The following ADAMTS18 variants were observed in gnomAD, a reference collection of about 807,000 sequenced individuals.
ADAMTS18 encodes the protein ADAM metallopeptidase with thrombospondin type 1 motif 18, also known as A disintegrin and metalloproteinase with thrombospondin motifs 18.
In ADAMTS18, 157 loss-of-function variants were observed where a neutral mutation model predicts 165.9. The ratio of observed to expected loss-of-function variants is 0.95; its 90% CI spans 0.83 to 1.08. The LOEUF (loss-of-function observed/expected upper bound fraction) is 1.08, where lower values mean the gene tolerates loss of function less well. Among genes scored for constraint, ADAMTS18 ranks in the 50% least tolerant of loss-of-function variants. The probability of loss-of-function intolerance (pLI) is 0.00; values close to 1 mark genes in which losing one functional copy is unlikely to be tolerated. For missense variants in ADAMTS18, 2,040 were observed against 1,534.0 expected (o/e 1.33, Z -5.51); for synonymous variants, 782 against 578.2 (o/e 1.35, Z -5.06).
At chr16:77,335,160 A>C (rs1350310089) in intron 12 of ADAMTS18, among the ~76,000 whole-genome samples, 1 of 150,934 alleles carries the variant, frequency 6.6e-6, no homozygotes, top group Non-Finnish European at 1.5e-5. Context: ...CCATTATAAA[A>C]ATGAAATCCT....
intron 9 of ADAMTS18, 59 bp from the exon 10 acceptor site, chr16:77,353,945 G>C: frequency 6.3e-7 from 1 of 1,599,666 alleles, no homozygotes; most frequent in South Asian, 1.1e-5. Context: ...TTCCATTTAC[G>C]ACAACACACT....
chr16:77,296,903 C>CA (rs2055484192), intron 18 of ADAMTS18, among the ~76,000 whole-genome samples: 1 of 152,212 alleles, frequency 6.6e-6, no homozygotes, highest in Non-Finnish European at 1.5e-5. Context: ...TCCTGGCTAT[C>CA]AAGCCAAAGT....
chr16:77,393,666 A>G (rs1320118759), intron 3 of ADAMTS18, among the ~76,000 whole-genome samples: 1 of 152,290 alleles, frequency 6.6e-6, no homozygotes, highest in South Asian at 2.1e-4. Flanking sequence ...CCCTCTCCAG[A>G]ACTGGACCAT....
rs1440463202 is a variant in ADAMTS18, at chr16:77,387,080, G to C, written c.496-19357C>G. On this transcript the variant is annotated intron_variant, in intron 3 of 22. Coordinates refer to ENST00000282849, the MANE Select transcript of ADAMTS18 (RefSeq NM_199355.4). ...TGCCCCACCCAGATTCAGATGCAGA[G>C]GGACATAGATAAGATGTGTTAGGCA... is the stretch of plus-strand genomic sequence containing the variant. 2.6e-5 allele frequency among the ~76,000 whole-genome samples: 4 copies of C among 152,162 alleles called. No homozygotes were observed. In the East Asian group the frequency reaches 7.7e-4, roughly 29 times the overall value.
intron 11 of ADAMTS18, among the ~76,000 whole-genome samples, chr16:77,337,403 C>G (rs888520430): frequency 6.6e-6 from 1 of 152,202 alleles, no homozygotes; most frequent in Non-Finnish European, 1.5e-5. Flanking sequence ...CATGCAGTAT[C>G]TCATCTAATC....
At position 77,359,436 on chromosome 16, in the gene ADAMTS18, C is replaced by T; in HGVS notation, c.1217-13G>A. The T allele has an allele frequency of 1.9e-6, 3 of 1,608,260 alleles. No homozygotes were observed. The highest frequency in any genetic ancestry group is 2.5e-6 in the Non-Finnish European group (3 of 1,176,554). ...ATGGGGGCAAACCCTATTGAAAGAG[C>T]AGTTTCAAATGTGAATCCAAAGGTT... On this transcript the variant is annotated splice_polypyrimidine_tract_variant and intron_variant, in intron 7 of 22. Coordinates refer to ENST00000282849, the MANE Select transcript of ADAMTS18 (RefSeq NM_199355.4).
intron 10 of ADAMTS18, among the ~76,000 whole-genome samples, chr16:77,346,714 G>A (rs2144698670): frequency 6.6e-6 from 1 of 152,234 alleles, no homozygotes; most frequent in Middle Eastern, 3.4e-3. Flanking sequence ...TGAGTTTATT[G>A]CCCAAGTTTT....
Position 77,282,659 on chromosome 16 carries a change from A to T in ADAMTS18, c.*1297T>A, listed in dbSNP as rs2055168220. ...TAGAATTTATGTAAATATGCCCTTTATAACCACTTCTCAAAAAATTACAGG... is the reference window on the plus strand; with the variant it reads ...TAGAATTTATGTAAATATGCCCTTTTTAACCACTTCTCAAAAAATTACAGG... On this transcript the variant is annotated 3_prime_UTR_variant, in exon 23 of 23. Transcript: ENST00000282849. 1.3e-5 allele frequency: 2 copies of T among 152,618 alleles called. No homozygotes were observed. The highest frequency in any genetic ancestry group is 4.1e-4 in the South Asian group (2 of 4,834). The allele number at this position is 152,618 out of a possible 1,614,324, so 9.5% of individuals were successfully genotyped here.
Position 77,420,494 on chromosome 16 carries a change from T to C in ADAMTS18, c.495+10801A>G, listed in dbSNP as rs2057588097. Among the ~76,000 whole-genome samples, 3 of 152,188 alleles carry C rather than the reference T, an allele frequency of 2.0e-5. No homozygotes were observed. In the South Asian group the frequency reaches 6.2e-4, roughly 32 times the overall value. ...CCTGAGCATAAGCGTCTGTGTTTTT[T>C]AAAGCTCCGTGCACTAAGAATCACT... is the stretch of plus-strand genomic sequence containing the variant. On this transcript the variant is annotated intron_variant, in intron 3 of 22. Transcript: ENST00000282849.
intron 15 of ADAMTS18, among the ~76,000 whole-genome samples, chr16:77,320,343 T>G (rs1046299817): frequency 6.6e-6 from 1 of 152,168 alleles, no homozygotes; most frequent in Admixed American, 6.5e-5. Context: ...AAATACACTC[T>G]TCTCCTTCCC....
At position 77,320,011 on chromosome 16, in the gene ADAMTS18, T is replaced by A. The variant is rs2055963875; in HGVS notation, c.2370A>T (p.Ala790=). 6.2e-7 allele frequency: 1 copy of A among 1,614,148 alleles called. No individual in the cohort carries two copies. The highest frequency in any genetic ancestry group is 1.3e-5 in the African/African-American group (1 of 75,042). The change falls in exon 16 of 23, where the codon GCA becomes GCT. Residue 790 remains alanine, a synonymous_variant. Transcript: ENST00000282849. ...QELQVSSSYL[A]VRSLSQKYYL... ...AATACTTTTGACTGAGGCTTCGAAC[T>A]GCGAGGTAACTGGAGGAAACCTGCA...
At chr16:77,359,903 G>A (rs956431559) in intron 7 of ADAMTS18, among the ~76,000 whole-genome samples, 2 of 152,168 alleles carry the variant, frequency 1.3e-5, no homozygotes, top group African/African-American at 4.8e-5. Flanking sequence ...ACATGAAAAT[G>A]TCTAAGCAAC....
Position 77,434,500 on chromosome 16 carries a change from G to T in ADAMTS18, c.96C>A (p.Leu32=). 1 of 1,560,282 alleles carries T rather than the reference G, an allele frequency of 6.4e-7. No homozygotes were observed. Among genetic ancestry groups the T allele is most frequent in the South Asian group, 1.2e-5 (1 of 85,686 alleles). ...ACGCACAGCAGAGGCAGCACAGCTG[G>T]AGCGCCTGCAAGAGAAAAGGTGACA... is the stretch of plus-strand genomic sequence containing the variant. The part of the protein sequence containing the change: ...LAGLGRVAKA[L]QLCCLCCASV... Residue 32 remains leucine, a synonymous_variant, in exon 2 of 23, where the codon CTC becomes CTA. Transcript: ENST00000282849.
intron 3 of ADAMTS18, among the ~76,000 whole-genome samples, chr16:77,410,438 G>C (rs966121636): frequency 6.6e-6 from 1 of 152,092 alleles, no homozygotes; most frequent in Admixed American, 6.6e-5. Context: ...AGATTCAACA[G>C]ATCTGGAATG....
At chr16:77,292,777 C>T (rs1027459622) in intron 20 of ADAMTS18, among the ~76,000 whole-genome samples, 1 of 152,118 alleles carries the variant, frequency 6.6e-6, no homozygotes, top group African/African-American at 2.4e-5. Context: ...GTTTTGTGAG[C>T]CTAGATGCTA....
At chr16:77,293,046 C>T in intron 20 of ADAMTS18, 30 bp downstream of exon 20, 1 of 1,613,688 alleles carries the variant, frequency 6.2e-7, no homozygotes, top group Non-Finnish European at 8.5e-7. Flanking sequence ...GTCTCAATCT[C>T]CTGACCCAGC....
intron 3 of ADAMTS18, among the ~76,000 whole-genome samples, chr16:77,394,174 G>A (rs1434038943): frequency 6.6e-6 from 1 of 152,202 alleles, no homozygotes; most frequent in Non-Finnish European, 1.5e-5. Flanking sequence ...TGGAAGTGGG[G>A]AGGATAATGA....
intron 3 of ADAMTS18, among the ~76,000 whole-genome samples, chr16:77,415,072 G>T: frequency 6.6e-6 from 1 of 152,338 alleles, no homozygotes; most frequent in Middle Eastern, 3.4e-3. Context: ...ATGTATCCAA[G>T]ATGCACTGTG....
At chr16:77,342,999 GA>G (rs1198088797) in intron 10 of ADAMTS18, among the ~76,000 whole-genome samples, 1 of 151,738 alleles carries the variant, frequency 6.6e-6, no homozygotes, top group Non-Finnish European at 1.5e-5. Context: ...TCCAGAAGCT[GA>G]AAAAGGCATG....
Sources: gnomAD v4.1 joint callset for allele counts (sites outside exome capture counted in the v4.1 genomes callset) on GRCh38, gnomAD v4.1.1 for gene constraint, MANE v1.5 for transcripts, NCBI Gene and HGNC (gene_info 2026-07-23, HGNC 2026-07-21) for gene names.